Variants in OTUD7A observed in about 807,000 individuals in gnomAD.
The protein encoded by OTUD7A is OTU deubiquitinase 7A.
Under a neutral mutation model 65.7 loss-of-function variants are expected in OTUD7A, and 12 were observed. The observed-to-expected ratio is 0.18, with a 90% CI of 0.12 to 0.30. OTUD7A has a LOEUF of 0.30. Among genes scored for constraint, OTUD7A ranks in the 10% least tolerant of loss-of-function variants. OTUD7A has a pLI of 1.00. For synonymous variants in OTUD7A, 641 were observed against 586.3 expected, an observed-to-expected ratio of 1.09 and a Z score of -1.35; for missense variants, 1,148 against 1,304.8, an observed-to-expected ratio of 0.88 and a Z score of 1.85.
chr15:31,561,650 G>GT (rs1294526903), intron 4 of OTUD7A, among the ~76,000 whole-genome samples: 1 of 152,084 alleles, frequency 6.6e-6, no homozygotes, highest in Non-Finnish European at 1.5e-5. Context: ...AGGGAAAAAA[G>GT]TATTTTTGAA....
chr15:31,613,802 A>C (rs953639209), intron 3 of OTUD7A, among the ~76,000 whole-genome samples: 1 of 152,200 alleles, frequency 6.6e-6, no homozygotes, highest in African/African-American at 2.4e-5. Context: ...ATCCACCTAG[A>C]GGAAAAGAAG....
At chr15:31,795,561 G>A (rs1895930123) in intron 1 of OTUD7A, among the ~76,000 whole-genome samples, 2 of 152,194 alleles carry the variant, frequency 1.3e-5, no homozygotes, top group South Asian at 4.1e-4. Flanking sequence ...GGTGAGAACA[G>A]TGGGTTGGAG....
At chr15:31,769,429 AC>A (rs1895174580) in intron 1 of OTUD7A, among the ~76,000 whole-genome samples, 1 of 152,244 alleles carries the variant, frequency 6.6e-6, no homozygotes, top group Non-Finnish European at 1.5e-5. Flanking sequence ...TTAAACATAT[AC>A]TTACGCATGA....
intron 1 of OTUD7A, among the ~76,000 whole-genome samples, chr15:31,763,010 C>T (rs900966620): frequency 2.6e-5 from 4 of 152,110 alleles, no homozygotes; most frequent in Non-Finnish European, 5.9e-5. Context: ...CAGCCAGGTG[C>T]GGTGGCTCAC....
chr15:31,550,661 C>T (rs7163062), intron 5 of OTUD7A, among the ~76,000 whole-genome samples: 4,452 of 152,244 alleles, frequency 0.029, 237 homozygotes, highest in African/African-American at 0.1. Flanking sequence ...AGCTAAAGCA[C>T]AGCAGACGGC....
intron 5 of OTUD7A, among the ~76,000 whole-genome samples, chr15:31,539,363 C>T (rs1239910419): frequency 1.1e-5 from 1 of 94,264 alleles, no homozygotes; most frequent in Non-Finnish European, 2.3e-5. Context: ...GGAGAGTAAC[C>T]CAGGGTCATA....
chr15:31,856,028 G>GT (rs1389807623), intron 1 of OTUD7A, among the ~76,000 whole-genome samples: 1 of 152,162 alleles, frequency 6.6e-6, no homozygotes, highest in African/African-American at 2.4e-5. Context: ...CACGTCAATG[G>GT]TAACTCCAGG....
intron 8 of OTUD7A, among the ~76,000 whole-genome samples, chr15:31,506,000 A>C (rs7168084): frequency 2.2e-4 from 34 of 152,040 alleles, no homozygotes; most frequent in African/African-American, 7.7e-4. Flanking sequence ...GGCCTCCCAA[A>C]GTGCTGGGAT....
chr15:31,869,988 G>C (rs943100682), intron 1 of OTUD7A, among the ~76,000 whole-genome samples: 10 of 151,986 alleles, frequency 6.6e-5, no homozygotes, highest in Admixed American at 2.6e-4. Context: ...GAGCGGGACG[G>C]CGGTGCGCCG....
chr15:31,771,228 GAAT>G (rs1203267356), intron 1 of OTUD7A, among the ~76,000 whole-genome samples: 1 of 152,206 alleles, frequency 6.6e-6, no homozygotes, highest in African/African-American at 2.4e-5. Flanking sequence ...AGAGGAAGAA[GAAT>G]GTTTCTGTTC....
chr15:31,499,754 T>TGGGCTGCTTCGCCCCAGGAGGAC (rs2041438863), intron 10 of OTUD7A, among the ~76,000 whole-genome samples: 1 of 152,050 alleles, frequency 6.6e-6, no homozygotes, highest in Non-Finnish European at 1.5e-5. Context: ...CCCAGGAGGA[T>TGGGCTGCTTCGCCCCAGGAGGAC]CCCAGTGGGC....
intron 1 of OTUD7A, among the ~76,000 whole-genome samples, chr15:31,700,190 G>A (rs1391362921): frequency 6.6e-6 from 1 of 151,290 alleles, no homozygotes; most frequent in Non-Finnish European, 1.5e-5. Flanking sequence ...TTGTCTCACT[G>A]ATTCCTTTTC....
At chr15:31,763,786 G>A (rs970162766) in intron 1 of OTUD7A, among the ~76,000 whole-genome samples, 1 of 152,152 alleles carries the variant, frequency 6.6e-6, no homozygotes, top group African/African-American at 2.4e-5. Flanking sequence ...CAAAAAGCCT[G>A]AATACAGCAA....
At chr15:31,700,165 C>A (rs1228567127) in intron 1 of OTUD7A, among the ~76,000 whole-genome samples, 1 of 151,644 alleles carries the variant, frequency 6.6e-6, no homozygotes, top group Non-Finnish European at 1.5e-5. Flanking sequence ...TCCTTCATCT[C>A]CCCATGACTT....
intron 1 of OTUD7A, among the ~76,000 whole-genome samples, chr15:31,753,082 C>A (rs1416579905): frequency 6.6e-6 from 1 of 152,152 alleles, no homozygotes; most frequent in Non-Finnish European, 1.5e-5. Flanking sequence ...TTTACTTTTA[C>A]ATTGTGCAAA....
intron 1 of OTUD7A, among the ~76,000 whole-genome samples, chr15:31,801,043 C>A (rs1896109887): frequency 6.8e-6 from 1 of 146,810 alleles, no homozygotes; most frequent in South Asian, 2.2e-4. Context: ...AGAGCATTAT[C>A]CAGCAGCCTC....
chr15:31,603,567 T>C (rs1399112623), intron 3 of OTUD7A, among the ~76,000 whole-genome samples: 1 of 152,176 alleles, frequency 6.6e-6, no homozygotes, highest in South Asian at 2.1e-4. Flanking sequence ...CCAAAAGTAA[T>C]GGCAACAAAA....
At chr15:31,500,989 C>T (rs2041457960) in intron 10 of OTUD7A, among the ~76,000 whole-genome samples, 1 of 152,254 alleles carries the variant, frequency 6.6e-6, no homozygotes, top group Admixed American at 6.5e-5. Context: ...CCCTATTTCC[C>T]CAGTAAAGAC....
At chr15:31,572,728 G>T (rs1282542254) in intron 3 of OTUD7A, among the ~76,000 whole-genome samples, 1 of 151,966 alleles carries the variant, frequency 6.6e-6, no homozygotes, top group Non-Finnish European at 1.5e-5. Context: ...AAACTCAGGG[G>T]AAAAAGGAGT....
Sources: gnomAD v4.1 joint callset for allele counts (sites outside exome capture counted in the v4.1 genomes callset) on GRCh38, gnomAD v4.1.1 for gene constraint, MANE v1.5 for transcripts, NCBI Gene and HGNC (gene_info 2026-07-23, HGNC 2026-07-21) for gene names.